The following SDCCAG8 variants were observed in gnomAD, a reference collection of about 807,000 sequenced individuals.
The protein encoded by SDCCAG8 is serologically defined colon cancer antigen 8.
SDCCAG8 carries 74 observed loss-of-function variants against 101.8 expected under a neutral mutation model. The observed-to-expected ratio is 0.73, with a 90% CI of 0.60 to 0.88. SDCCAG8 has a LOEUF of 0.88. SDCCAG8 is among the 40% of genes least tolerant of loss of function. The probability of loss-of-function intolerance (pLI) is 0.00; values close to 1 mark genes in which losing one functional copy is unlikely to be tolerated. For synonymous variants in SDCCAG8, 281 were observed against 292.9 expected (o/e 0.96, Z 0.41); for missense variants, 787 against 822.6 (o/e 0.96, Z 0.53).
intron 17 of SDCCAG8, among the ~76,000 whole-genome samples, chr1:243,497,616 T>C (rs775317047): frequency 2.0e-5 from 3 of 152,150 alleles, no homozygotes; most frequent in Admixed American, 6.5e-5. Context: ...CCACAGGCAT[T>C]ATGTAGACTC....
intron 3 of SDCCAG8, among the ~76,000 whole-genome samples, chr1:243,273,513 C>T (rs1417111366): frequency 6.6e-6 from 1 of 152,160 alleles, no homozygotes; most frequent in Non-Finnish European, 1.5e-5. Context: ...CCCCTCAATG[C>T]AGTGTGTCTC....
chr1:243,325,370 A>G (rs2074077262), intron 9 of SDCCAG8, among the ~76,000 whole-genome samples: 1 of 152,138 alleles, frequency 6.6e-6, no homozygotes, highest in Non-Finnish European at 1.5e-5. Flanking sequence ...GTATGTTGAA[A>G]CACACTAGAA....
intron 16 of SDCCAG8, among the ~76,000 whole-genome samples, chr1:243,456,766 G>C (rs1173109654): frequency 6.6e-6 from 1 of 151,996 alleles, no homozygotes; most frequent in Admixed American, 6.6e-5. Flanking sequence ...CTTCGTTCTT[G>C]TGCTTTTCCT....
intron 16 of SDCCAG8, among the ~76,000 whole-genome samples, chr1:243,479,780 G>A (rs1051356031): frequency 6.6e-6 from 1 of 152,100 alleles, no homozygotes; most frequent in East Asian, 1.9e-4. Context: ...TTGTTTTGAT[G>A]ATGAAAATTG....
chr1:243,347,226 G>T (rs533436976), intron 12 of SDCCAG8, among the ~76,000 whole-genome samples: 2 of 151,898 alleles, frequency 1.3e-5, no homozygotes, highest in Non-Finnish European at 2.9e-5. Context: ...TATTTTAAAT[G>T]GATCTCAGAC....
chr1:243,350,029 A>G (rs1285305703), intron 12 of SDCCAG8, among the ~76,000 whole-genome samples: 2 of 152,218 alleles, frequency 1.3e-5, no homozygotes, highest in Non-Finnish European at 2.9e-5. Context: ...AGGGTTGCTC[A>G]TATCTACAGC....
chr1:243,452,439 T>C (rs1043425953), intron 16 of SDCCAG8, among the ~76,000 whole-genome samples: 9 of 146,790 alleles, frequency 6.1e-5, no homozygotes, highest in Admixed American at 1.4e-4. Flanking sequence ...TTTTTTTTTT[T>C]TGGGACAGTA....
chr1:243,446,591 A>G (rs1157558017), intron 16 of SDCCAG8, among the ~76,000 whole-genome samples: 6 of 152,146 alleles, frequency 3.9e-5, no homozygotes, highest in African/African-American at 1.4e-4. Context: ...AGAAAGGCCA[A>G]CTTGGAGGCA....
At chr1:243,394,205 G>C (rs1363168847) in intron 13 of SDCCAG8, among the ~76,000 whole-genome samples, 1 of 151,944 alleles carries the variant, frequency 6.6e-6, no homozygotes, top group African/African-American at 2.4e-5. Context: ...AGGGGGAGGG[G>C]GAAACATTAC....
intron 12 of SDCCAG8, among the ~76,000 whole-genome samples, chr1:243,350,523 C>T (rs1356847199): frequency 6.6e-6 from 1 of 152,082 alleles, no homozygotes; most frequent in Non-Finnish European, 1.5e-5. Flanking sequence ...CGGCCTATGT[C>T]AGTCCTTTTT....
intron 17 of SDCCAG8, among the ~76,000 whole-genome samples, chr1:243,491,788 A>G (rs1666478944): frequency 6.6e-6 from 1 of 152,102 alleles, no homozygotes; most frequent in African/African-American, 2.4e-5. Context: ...GTTTTCCTGG[A>G]GTGGCCTGTG....
intron 17 of SDCCAG8, among the ~76,000 whole-genome samples, chr1:243,498,944 C>T (rs1257702372): frequency 3.3e-5 from 5 of 152,246 alleles, no homozygotes; most frequent in African/African-American, 1.2e-4. Flanking sequence ...CTCTGGACTT[C>T]ACAATCTAGA....
chr1:243,413,705 C>A (rs1303648654), intron 13 of SDCCAG8, among the ~76,000 whole-genome samples: 1 of 152,174 alleles, frequency 6.6e-6, no homozygotes, highest in African/African-American at 2.4e-5. Context: ...GCATTTATGT[C>A]ACCCAATTGT....
intron 12 of SDCCAG8, among the ~76,000 whole-genome samples, chr1:243,368,161 A>G (rs901801825): frequency 6.6e-6 from 1 of 151,868 alleles, no homozygotes; most frequent in African/African-American, 2.4e-5. Flanking sequence ...GGCTGAAGTG[A>G]ACTGTAATCT....
In SDCCAG8 at chr1:243,442,308, G is replaced by A. The variant is rs562357354; in HGVS notation, c.1985+15750G>A. Reference sequence around the variant, plus strand: ...ATTGAACAATAAAAATGTTGCAACCGTCTGGGTAGCAAGATGGCTAAGGTC... The same window carrying A: ...ATTGAACAATAAAAATGTTGCAACCATCTGGGTAGCAAGATGGCTAAGGTC... On this transcript the variant is annotated intron_variant, in intron 16 of 17. Coordinates refer to ENST00000366541, the MANE Select transcript of SDCCAG8 (RefSeq NM_006642.5). Among the ~76,000 whole-genome samples the A allele has an allele frequency of 9.3e-4, 142 of 152,304 alleles. 1 individual carries two copies. The highest frequency in any genetic ancestry group is 1.9e-3 in the African/African-American group (80 of 41,578).
intron 1 of SDCCAG8, chr1:243,267,616 A>G: frequency 1.6e-6 from 1 of 632,056 alleles, no homozygotes; most frequent in Non-Finnish European, 2.9e-6. Flanking sequence ...AAAAAAAAAA[A>G]AAAAGTCCCG....
intron 12 of SDCCAG8, among the ~76,000 whole-genome samples, chr1:243,350,759 A>G (rs979180551): frequency 6.6e-6 from 1 of 152,300 alleles, no homozygotes; most frequent in Non-Finnish European, 1.5e-5. Flanking sequence ...TCTGACAGTA[A>G]GGAGATTGAA....
At chr1:243,307,908 T>C in intron 7 of SDCCAG8, 81 bp from the exon 8 acceptor site, 2 of 1,597,366 alleles carry the variant, frequency 1.3e-6, no homozygotes, top group East Asian at 2.2e-5. Context: ...ACGATAGTAG[T>C]AGTTAACATT....
chr1:243,281,161 G>A (rs1228553210), intron 4 of SDCCAG8, among the ~76,000 whole-genome samples: 1 of 152,030 alleles, frequency 6.6e-6, no homozygotes, highest in African/African-American at 2.4e-5. Context: ...TTGGTCTGAA[G>A]TCTGCTTTGT....
Sources: gnomAD v4.1 joint callset for allele counts (sites outside exome capture counted in the v4.1 genomes callset) on GRCh38, gnomAD v4.1.1 for gene constraint, MANE v1.5 for transcripts, NCBI Gene and HGNC (gene_info 2026-07-23, HGNC 2026-07-21) for gene names.